ABHD4: variants seen among roughly 807,000 people sequenced by gnomAD.
The protein encoded by ABHD4 is abhydrolase domain containing 4, N-acyl phospholipase B.
ABHD4 carries 35 observed loss-of-function variants against 42.3 expected under a neutral mutation model. The observed-to-expected ratio is 0.83, with a 90% confidence interval of 0.63 to 1.10. The LOEUF (loss-of-function observed/expected upper bound fraction) is 1.10, where lower values mean the gene tolerates loss of function less well. Ranked by LOEUF, ABHD4 falls within the 50% of genes least tolerant of loss-of-function variation. The pLI is 0.00. For missense variants in ABHD4, 389 were observed against 454.8 expected (o/e 0.86, Z 1.32); for synonymous variants, 169 against 170.6 (o/e 0.99, Z 0.07).
Position 22,601,760 on chromosome 14 carries a change from G to A in ABHD4, c.112+5G>A, listed in dbSNP as rs1398636299. ...TGGAAGCCAGGATCCTCCAGTGTAA[G>A]TAGAATGGACAGCTTGTCCCACCTC... On this transcript the variant is annotated splice_donor_5th_base_variant and intron_variant, in intron 2 of 6. Coordinates refer to ENST00000428304, the MANE Select transcript of ABHD4 (RefSeq NM_022060.3). 3.1e-6 allele frequency: 5 copies of A among 1,613,592 alleles called. No homozygotes were observed. The highest frequency in any genetic ancestry group is 3.4e-6 in the Non-Finnish European group (4 of 1,179,638).
intron 1 of ABHD4, among the ~76,000 whole-genome samples, chr14:22,599,214 T>A (rs529563783): frequency 5.3e-5 from 8 of 152,324 alleles, no homozygotes; most frequent in African/African-American, 1.9e-4. Context: ...TCCAGGGGAA[T>A]GTTTTACTTT....
At position 22,601,768 on chromosome 14, in the gene ABHD4, G is replaced by C. The variant is rs144573642; in HGVS notation, c.112+13G>C. On this transcript the variant is annotated intron_variant, in intron 2 of 6. Coordinates refer to ENST00000428304, the MANE Select transcript of ABHD4 (RefSeq NM_022060.3). ...AGGATCCTCCAGTGTAAGTAGAATGGACAGCTTGTCCCACCTCCCTCATGG... is the reference window on the plus strand; with the variant it reads ...AGGATCCTCCAGTGTAAGTAGAATGCACAGCTTGTCCCACCTCCCTCATGG... 42 of 1,612,672 alleles carry C rather than the reference G, an allele frequency of 2.6e-5. No homozygotes were observed. The highest frequency in any genetic ancestry group is 3.5e-5 in the Non-Finnish European group (41 of 1,178,728).
intron 5 of ABHD4, among the ~76,000 whole-genome samples, chr14:22,609,401 T>C (rs1242929): frequency 0.62 from 94,697 of 152,122 alleles, 31,142 homozygotes; most frequent in African/African-American, 0.84. Context: ...AGGGACAGCA[T>C]CCTGCCTTTC....
At position 22,603,508 on chromosome 14, in the gene ABHD4, TG is replaced by T; in HGVS notation, c.236del (p.Gly79AlafsTer13). The T allele has an allele frequency of 1.9e-6, 3 of 1,614,156 alleles. No homozygotes were observed. The highest frequency in any genetic ancestry group is 2.5e-6 in the Non-Finnish European group (3 of 1,180,014). On this transcript the variant is annotated frameshift_variant, in exon 3 of 7. Coordinates refer to ENST00000428304, the MANE Select transcript of ABHD4 (RefSeq NM_022060.3). LOFTEE classifies it high-confidence loss of function. ...RTPLVMVHGF[G>X]GGVGLWILNM... ...CCCCCTTGGTGATGGTGCATGGTTT[TG>T]GGGGCGGCGTGGGTCTCTGGATCCT... is the stretch of plus-strand genomic sequence containing the variant.
intron 1 of ABHD4, among the ~76,000 whole-genome samples, chr14:22,600,753 G>T (rs1408008339): frequency 3.3e-5 from 5 of 151,658 alleles, no homozygotes; most frequent in African/African-American, 1.2e-4. Flanking sequence ...ATATACAGAT[G>T]CTCAAAGACA....
chr14:22,604,078 G>C lies in ABHD4; in HGVS notation c.639G>C (p.Trp213Cys). The change falls in exon 4 of 7, where the codon TGG becomes TGC. Residue 213 changes from tryptophan (W) to cysteine (C), a missense_variant and splice_region_variant. Coordinates refer to ENST00000428304, the MANE Select transcript of ABHD4 (RefSeq NM_022060.3). ...CTGTTCTTCGAGTAGCTGGGCCCTG[G>C]GGTGAGTAGCCTGTAGTATCTCCTT... The part of the protein sequence containing the change: ...PLAVLRVAGP[W>C]GPGLVQRFRP... 3.1e-6 allele frequency: 5 copies of C among 1,614,116 alleles called. No individual in the cohort carries two copies. Among genetic ancestry groups the C allele is most frequent in the Non-Finnish European group, 4.2e-6 (5 of 1,180,004 alleles).
At chr14:22,604,329 C>T (rs2037323388) in intron 4 of ABHD4, 1 of 353,000 alleles carries the variant, frequency 2.8e-6, no homozygotes, top group African/African-American at 2.1e-5. Flanking sequence ...CGGCTCACTG[C>T]AAGCTCCGCC....
chr14:22,604,190 A>C lies in ABHD4; in HGVS notation c.640+111A>C, dbSNP rs889242397. ...GGAAATTGGCCTAGCCTTGTTATTT[A>C]AAGCTGTTAATCTGAACCAGATCAC... On this transcript the variant is annotated intron_variant, in intron 4 of 6. Transcript: ENST00000428304. The C allele has an allele frequency of 1.5e-5, 19 of 1,251,078 alleles. No homozygotes were observed. The Admixed American group carries it at 3.1e-4, about 21-fold the overall frequency. 77.5% of individuals were successfully genotyped at this position (1,251,078 alleles called of 1,614,324 possible).
rs2037351238 is a variant in ABHD4 at position 22,606,460 on chromosome 14, CG to C, written c.680del (p.Arg227ProfsTer33). The C allele has an allele frequency of 6.2e-7, 1 of 1,609,894 alleles. No homozygotes were observed. Among genetic ancestry groups the C allele is most frequent in the Non-Finnish European group, 8.5e-7 (1 of 1,176,776 alleles). On this transcript the variant is annotated frameshift_variant, in exon 5 of 7. Transcript: ENST00000428304. LOFTEE classifies it high-confidence loss of function. ...GCAGCGATTCCGGCCGGACTTCAAA[CG>C]CAAGTTTGCAGACTTCTTTGAAGAT... ...LVQRFRPDFK[R>X]KFADFFEDDT...
At position 22,603,705 on chromosome 14, in the gene ABHD4, T is replaced by C; in HGVS notation, c.428T>C (p.Leu143Pro). ...ETMGIPSMIL[L>P]GHSLGGFLAT... ...ATGGGGATCCCCAGCATGATCCTCC[T>C]GGGGCACAGTTTGGGAGGATTCCTG... The change falls in exon 3 of 7, where the codon CTG becomes CCG. Residue 143 changes from leucine to proline, a missense_variant. This residue lies in a region of ABHD4 where 38 missense variants were observed against 72.1 expected (regional missense o/e 0.53). Transcript: ENST00000428304. 4.4e-6 allele frequency: 7 copies of C among 1,607,280 alleles called. No individual in the cohort carries two copies. Among genetic ancestry groups the C allele is most frequent in the Non-Finnish European group, 5.1e-6 (6 of 1,175,998 alleles).
At position 22,606,422 on chromosome 14, in the gene ABHD4, G is replaced by A. The variant is rs1425318770; in HGVS notation, c.641G>A (p.Gly214Glu). Residue 214 changes from glycine to glutamate, a missense_variant and splice_region_variant, in exon 5 of 7, where the codon GGG becomes GAG. Around this residue, in one of 3 missense-constraint regions of ABHD4, gnomAD observed 249 missense variants for 254.4 expected, o/e 0.98. Coordinates refer to ENST00000428304, the MANE Select transcript of ABHD4 (RefSeq NM_022060.3). ...LAVLRVAGPWGPGLVQRFRPD... is the reference protein window; with the variant it reads ...LAVLRVAGPWEPGLVQRFRPD... ...TCTGTGTTTTTCTATCCCCTCCCAG[G>A]GCCTGGTCTGGTGCAGCGATTCCGG... is the stretch of plus-strand genomic sequence containing the variant. 1 of 1,610,148 alleles carries A rather than the reference G, an allele frequency of 6.2e-7. No individual in the cohort carries two copies.
chr14:22,610,244 A>C (rs1185586762), intron 6 of ABHD4, among the ~76,000 whole-genome samples: 1 of 152,042 alleles, frequency 6.6e-6, no homozygotes, highest in Non-Finnish European at 1.5e-5. Flanking sequence ...TTTAGTAGAG[A>C]CGAGGTTTCT....
At chr14:22,598,641 C>T in intron 1 of ABHD4, 1 of 576,866 alleles carries the variant, frequency 1.7e-6, no homozygotes, top group South Asian at 1.9e-5. Context: ...GTGTGAGATC[C>T]CCGAAAGCAA....
chr14:22,605,393 G>C (rs1026537799), intron 4 of ABHD4, among the ~76,000 whole-genome samples: 1 of 152,150 alleles, frequency 6.6e-6, no homozygotes, highest in Non-Finnish European at 1.5e-5. Context: ...TGATGGCTAA[G>C]TAAGAGTTAT....
rs754878284 is a variant in ABHD4, at chr14:22,609,779, A to G, written c.808A>G (p.Met270Val). Reference sequence around the variant, plus strand: ...GTCCTTTGGCTGGGCCCGGCGCCCTATGCTGGAGCGAATTCACTTGATTCG... The same window carrying G: ...GTCCTTTGGCTGGGCCCGGCGCCCTGTGCTGGAGCGAATTCACTTGATTCG... Reference protein sequence around the residue: ...MESFGWARRPMLERIHLIRKD... With the variant: ...MESFGWARRPVLERIHLIRKD... The change falls in exon 6 of 7, where the codon ATG (methionine) becomes GTG (valine). Residue 270 changes from methionine to valine, a missense_variant. Met to Val is a conservative substitution (Grantham distance 21, BLOSUM62 1). Around this residue, in one of 3 missense-constraint regions of ABHD4, gnomAD observed 249 missense variants for 254.4 expected, o/e 0.98. Coordinates refer to ENST00000428304, the MANE Select transcript of ABHD4 (RefSeq NM_022060.3). 2.5e-6 allele frequency: 4 copies of G among 1,614,180 alleles called. No individual in the cohort carries two copies. In the South Asian group the frequency reaches 4.4e-5, roughly 18 times the overall value.
At chr14:22,603,277 G>A (rs913275917) in intron 2 of ABHD4, 113 bp from the exon 3 acceptor site, 2 of 1,343,086 alleles carry the variant, frequency 1.5e-6, no homozygotes, top group Admixed American at 1.9e-5. Flanking sequence ...GGAGCTGAGG[G>A]AAGTTGGGGA....
intron 1 of ABHD4, 59 bp from the exon 2 acceptor site, chr14:22,601,608 A>G (rs1309827277): frequency 6.8e-7 from 1 of 1,481,206 alleles, no homozygotes; most frequent in Admixed American, 1.7e-5. Context: ...CAGCAAGGCT[A>G]AGAGCATCAA....
rs560022417 is a variant in ABHD4 at position 22,602,380 on chromosome 14, GCTACCCTTT to G, written c.112+628_112+636del. 9.2e-5 allele frequency among the ~76,000 whole-genome samples: 14 copies of G among 152,256 alleles called. No homozygotes were observed. The South Asian group carries it at 2.9e-3, about 32-fold the overall frequency. The stretch of plus-strand genomic sequence containing the variant: ...CCACACCCCTACTGCCCCAGCCATA[GCTACCCTTT>G]CTCTTCTGGGCCCGAGTAAGTGCAG... On this transcript the variant is annotated intron_variant, in intron 2 of 6. Coordinates refer to ENST00000428304, the MANE Select transcript of ABHD4 (RefSeq NM_022060.3).
chr14:22,600,287 G>A, intron 1 of ABHD4: 1 of 434,790 alleles, frequency 2.3e-6, no homozygotes, highest in Non-Finnish European at 4.7e-6. Context: ...ATGTGGTTAT[G>A]TTCTGTGAAT....
Sources: gnomAD v4.1 joint callset for allele counts (sites outside exome capture counted in the v4.1 genomes callset) on GRCh38, gnomAD v4.1.1 for gene constraint, gnomAD v4.1.1 regional missense constraint, MANE v1.5 for transcripts, NCBI Gene and HGNC (gene_info 2026-07-23, HGNC 2026-07-21) for gene names.